Variants in EPHB1 observed in about 807,000 individuals in gnomAD.
The protein encoded by EPHB1 is ephrin type-B receptor 1.
In EPHB1, 30 loss-of-function variants were observed where a neutral mutation model predicts 94.4. That is an observed-to-expected ratio of 0.32 (90% CI 0.24 to 0.43). EPHB1 has a LOEUF of 0.43. Ranked by LOEUF, EPHB1 falls within the 20% of genes least tolerant of loss-of-function variation. The pLI is 1.00. For synonymous variants in EPHB1, 522 were observed against 489.1 expected (o/e 1.07, Z -0.89); for missense variants, 1,055 against 1,308.3 (o/e 0.81, Z 2.99).
chr3:135,094,641 C>T (rs1938691340), intron 3 of EPHB1, among the ~76,000 whole-genome samples: 1 of 152,320 alleles, frequency 6.6e-6, no homozygotes, highest in Non-Finnish European at 1.5e-5. Context: ...TAAGGAAGTA[C>T]AGTTGTTCCC....
At chr3:135,089,796 CT>C (rs879501059) in intron 3 of EPHB1, among the ~76,000 whole-genome samples, 4 of 152,232 alleles carry the variant, frequency 2.6e-5, no homozygotes, top group Admixed American at 2.6e-4. Flanking sequence ...GCAGTGCCTG[CT>C]GCTCCTTTGC....
At chr3:135,069,159 T>C (rs1331817330) in intron 3 of EPHB1, among the ~76,000 whole-genome samples, 1 of 151,642 alleles carries the variant, frequency 6.6e-6, no homozygotes, top group African/African-American at 2.4e-5. Flanking sequence ...TTTATGCTTA[T>C]GATTTTTAAA....
intron 1 of EPHB1, among the ~76,000 whole-genome samples, chr3:134,871,680 G>T (rs78206038): frequency 1.8e-3 from 272 of 152,238 alleles, no homozygotes; most frequent in Non-Finnish European, 3.0e-3. Flanking sequence ...AGACACTGAT[G>T]ACTACCAAAC....
At chr3:134,971,304 A>G (rs1427179019) in intron 3 of EPHB1, among the ~76,000 whole-genome samples, 1 of 152,196 alleles carries the variant, frequency 6.6e-6, no homozygotes, top group Non-Finnish European at 1.5e-5. Context: ...CCTCCTCTTC[A>G]TTCTGACCCT....
Position 135,162,057 on chromosome 3 carries a change from A to T in EPHB1, c.1462A>T (p.Thr488Ser), listed in dbSNP as rs900262616. The T allele has an allele frequency of 6.2e-7, 1 of 1,613,334 alleles. No individual in the cohort carries two copies. The highest frequency in any genetic ancestry group is 8.5e-7 in the Non-Finnish European group (1 of 1,179,550). ...EFNSSMARSQ[T>S]NTARIDGLRP... ...CAACTCCTCCATGGCCAGGAGTCAGACCAACACAGCAAGGATTGATGGGCT... is the reference window on the plus strand; with the variant it reads ...CAACTCCTCCATGGCCAGGAGTCAGTCCAACACAGCAAGGATTGATGGGCT... Residue 488 changes from threonine to serine, a missense_variant, in exon 7 of 16, where the codon ACC becomes TCC. By Grantham distance (58) the Thr-to-Ser change is moderately conservative. Coordinates refer to ENST00000398015, the MANE Select transcript of EPHB1 (RefSeq NM_004441.5).
chr3:134,804,071 ATTTTTTTTTTTTTTTTTTTTTT>A lies in EPHB1; in HGVS notation c.58+8396_58+8417del, dbSNP rs572201781. 1.8e-3 allele frequency among the ~76,000 whole-genome samples: 80 copies of A among 43,772 alleles called. 2 individuals carry two copies. The highest frequency in any genetic ancestry group is 0.038 in the Middle Eastern group (2 of 52). 28.7% of individuals were successfully genotyped at this position (43,772 alleles called of 152,430 possible). On this transcript the variant is annotated intron_variant, in intron 1 of 15. Coordinates refer to ENST00000398015, the MANE Select transcript of EPHB1 (RefSeq NM_004441.5). Reference sequence around the variant, plus strand: ...ACCCCCACTGTGGTCATTATTGGCTATTTTTTTTTTTTTTTTTTTTTTTTTTTTTTTTTTTGCTGCATGTCTG... The same window carrying A: ...ACCCCCACTGTGGTCATTATTGGCTATTTTTTTTTTTTTGCTGCATGTCTG...
At chr3:135,019,028 A>G (rs1238251229) in intron 3 of EPHB1, among the ~76,000 whole-genome samples, 2 of 152,056 alleles carry the variant, frequency 1.3e-5, no homozygotes, top group Non-Finnish European at 2.9e-5. Context: ...GTCTGTGAGC[A>G]CCACGTGTTC....
intron 4 of EPHB1, among the ~76,000 whole-genome samples, chr3:135,130,882 G>A (rs1165659052): frequency 6.6e-6 from 1 of 152,208 alleles, no homozygotes; most frequent in Non-Finnish European, 1.5e-5. Context: ...TGCTATAGAA[G>A]TGAGACTAAC....
At chr3:135,138,217 T>C (rs2062628) in intron 5 of EPHB1, among the ~76,000 whole-genome samples, 150,179 of 152,254 alleles carry the variant, frequency 0.99, 74,052 homozygotes, top group East Asian at 1. Context: ...CAACCCATTA[T>C]TTACTTTTCT....
At chr3:134,946,796 A>C (rs948284234) in intron 2 of EPHB1, among the ~76,000 whole-genome samples, 1 of 134,722 alleles carries the variant, frequency 7.4e-6, no homozygotes, top group African/African-American at 3.0e-5. Flanking sequence ...CTGCTCCTCC[A>C]CCTTCCTCCA....
At chr3:135,074,284 A>G (rs1359249313) in intron 3 of EPHB1, among the ~76,000 whole-genome samples, 1 of 152,250 alleles carries the variant, frequency 6.6e-6, no homozygotes, top group East Asian at 1.9e-4. Flanking sequence ...ATGAGCTCAT[A>G]GATTTAAACA....
chr3:134,895,088 G>T lies in EPHB1; in HGVS notation c.59-30728G>T, dbSNP rs6762715. The stretch of plus-strand genomic sequence containing the variant: ...TTTAATAATCACTTTCCTCTCTTCT[G>T]GAGATTTGCAGTTTAAAAGATGTGA... On this transcript the variant is annotated intron_variant, in intron 1 of 15. Coordinates refer to ENST00000398015, the MANE Select transcript of EPHB1 (RefSeq NM_004441.5). 6.3e-3 allele frequency among the ~76,000 whole-genome samples: 964 copies of T among 152,272 alleles called. 8 individuals carry two copies. Among genetic ancestry groups the T allele is most frequent in the African/African-American group, 0.022 (923 of 41,560 alleles).
In EPHB1 at chr3:135,055,706, C is replaced by G. The variant is rs571801448; in HGVS notation, c.806-50742C>G. ...CTGTCTTGTCATCCTTGTTCACACC[C>G]GGGGTTGTTGTGGGAGGATGAACAG... On this transcript the variant is annotated intron_variant, in intron 3 of 15. Coordinates refer to ENST00000398015, the MANE Select transcript of EPHB1 (RefSeq NM_004441.5). Among the ~76,000 whole-genome samples, 15 of 152,274 alleles carry G rather than the reference C, an allele frequency of 9.9e-5. No individual in the cohort carries two copies. In the South Asian group the frequency reaches 2.7e-3, roughly 27 times the overall value.
At chr3:135,024,470 T>A (rs9843311) in intron 3 of EPHB1, among the ~76,000 whole-genome samples, 15,283 of 152,176 alleles carry the variant, frequency 0.1, 852 homozygotes, top group Middle Eastern at 0.15. Flanking sequence ...TTCAACCACG[T>A]GGTTTAGAAA....
At chr3:134,916,120 T>TA (rs1191970832) in intron 1 of EPHB1, among the ~76,000 whole-genome samples, 7 of 151,764 alleles carry the variant, frequency 4.6e-5, no homozygotes, top group African/African-American at 1.7e-4. Context: ...ATTAGCTAGA[T>TA]ACAGAGTGCT....
At chr3:135,217,280 A>T (rs1455361416) in intron 12 of EPHB1, among the ~76,000 whole-genome samples, 2 of 152,116 alleles carry the variant, frequency 1.3e-5, no homozygotes, top group Non-Finnish European at 2.9e-5. Context: ...CACACTGCCC[A>T]GACATTGCCG....
chr3:135,127,927 C>A (rs1454462572), intron 4 of EPHB1, among the ~76,000 whole-genome samples: 3 of 152,190 alleles, frequency 2.0e-5, no homozygotes, highest in Non-Finnish European at 4.4e-5. Context: ...TCATGACCAA[C>A]CACACTCCCT....
intron 3 of EPHB1, among the ~76,000 whole-genome samples, chr3:135,008,335 C>A (rs1935496910): frequency 6.6e-6 from 1 of 152,164 alleles, no homozygotes; most frequent in African/African-American, 2.4e-5. Context: ...ATTATTATCC[C>A]CATTTTACAG....
intron 1 of EPHB1, among the ~76,000 whole-genome samples, chr3:134,909,120 G>GGGGGGC: frequency 9.0e-6 from 1 of 110,638 alleles, no homozygotes; most frequent in African/African-American, 3.6e-5. Flanking sequence ...GGGGGCGGGG[G>GGGGGGC]GCGGGCTGGA....
Sources: allele counts gnomAD v4.1 joint callset (sites outside exome capture counted in the v4.1 genomes callset), GRCh38; gene constraint gnomAD v4.1.1; transcripts MANE v1.5; gene names NCBI Gene and HGNC (gene_info 2026-07-23, HGNC 2026-07-21).